The following TBL1Y variants were observed in gnomAD, a reference collection of about 807,000 sequenced individuals.
TBL1Y encodes transducin beta like 1 Y-linked.
A neutral mutation model predicts 12.0 loss-of-function variants in TBL1Y; 15 were observed. The ratio of observed to expected loss-of-function variants is 1.25; its 90% CI spans 0.83 to 1.92. The LOEUF is 1.92. Ranked by LOEUF, TBL1Y falls within the 40% of genes most tolerant of loss-of-function variation. TBL1Y has a pLI of 0.00. For missense variants in TBL1Y, 148 were observed against 116.7 expected (o/e 1.27, Z -1.24); for synonymous variants, 53 against 42.6 (o/e 1.24, Z -0.95).
intron 6 of TBL1Y, among the ~76,000 whole-genome samples, chrY:7,034,511 C>G (rs375401004): frequency 3.0e-5 from 1 of 33,526 alleles, no homozygotes; most frequent in South Asian, 6.7e-4. Flanking sequence ...AAAAAGAGCC[C>G]ATATAGCCAA....
At chrY:6,998,826 T>C in intron 4 of TBL1Y, among the ~76,000 whole-genome samples, 3 of 33,603 alleles carry the variant, frequency 8.9e-5, no homozygotes, top group Non-Finnish European at 2.2e-4. Context: ...GTAGGAAATG[T>C]TGGCATTTCC....
At chrY:7,048,041 G>GAGCC (rs2012771838) in intron 7 of TBL1Y, among the ~76,000 whole-genome samples, 1 of 32,620 alleles carries the variant, frequency 3.1e-5, no homozygotes, top group African/African-American at 1.2e-4. Context: ...TTACAGGTGT[G>GAGCC]AGCCACTGCC....
intron 16 of TBL1Y, 37 bp from the exon 17 acceptor site, chrY:7,087,230 C>G: frequency 3.2e-6 from 1 of 312,076 alleles, no homozygotes; most frequent in Non-Finnish European, 4.4e-6. Flanking sequence ...GTTGCCCAGC[C>G]TGGTCTTCAA....
In TBL1Y at chrY:7,085,789, T is replaced by G. The variant is rs1603051828; in HGVS notation, c.1078-109T>G. 1.3e-4 allele frequency: 29 copies of G among 221,513 alleles called. No individual in the cohort carries two copies. The East Asian group carries it at 2.9e-3, about 22-fold the overall frequency. 55.3% of individuals were successfully genotyped at this position (221,513 alleles called of 400,897 possible). ...TGCTCTTTGATGTCAGGCTGAGGCC[T>G]AAGACCTTCTGCAGCGACGGTGGCG... On this transcript the variant is annotated intron_variant, in intron 14 of 18. Coordinates refer to ENST00000383032, the MANE Select transcript of TBL1Y (RefSeq NM_033284.2).
intron 14 of TBL1Y, among the ~76,000 whole-genome samples, chrY:7,083,873 C>T: frequency 3.3e-5 from 1 of 29,872 alleles, no homozygotes; most frequent in Non-Finnish European, 8.1e-5. Context: ...CCTTTGCAGG[C>T]TGACACTCTG....
At chrY:6,989,127 G>A (rs2012344543) in intron 3 of TBL1Y, among the ~76,000 whole-genome samples, 1 of 32,633 alleles carries the variant, frequency 3.1e-5, no homozygotes. Context: ...GGCTGAGGTC[G>A]GAGAATGGCA....
At chrY:7,037,463 T>G (rs11799224) in intron 6 of TBL1Y, among the ~76,000 whole-genome samples, 270 of 34,072 alleles carry the variant, frequency 7.9e-3, no homozygotes, top group African/African-American at 0.028. Context: ...TATTGTATTG[T>G]TTCTCATTTT....
intron 7 of TBL1Y, among the ~76,000 whole-genome samples, chrY:7,062,911 C>G (rs759058986): frequency 5.9e-5 from 2 of 34,142 alleles, no homozygotes; most frequent in African/African-American, 2.3e-4. Flanking sequence ...GTCCCGACCA[C>G]CAAGGAAATA....
intron 7 of TBL1Y, among the ~76,000 whole-genome samples, chrY:7,063,402 A>C (rs2012906216): frequency 3.0e-5 from 1 of 33,071 alleles, no homozygotes; most frequent in African/African-American, 1.2e-4. Context: ...CTAGGGTTAG[A>C]CCACACAGGC....
At chrY:6,912,498 C>A in intron 2 of TBL1Y, among the ~76,000 whole-genome samples, 1 of 32,735 alleles carries the variant, frequency 3.1e-5, no homozygotes, top group African/African-American at 1.2e-4. Context: ...CATTTGGCCC[C>A]TTTACTGGGC....
intron 6 of TBL1Y, among the ~76,000 whole-genome samples, chrY:7,033,958 A>G: frequency 3.0e-5 from 1 of 33,404 alleles, no homozygotes; most frequent in African/African-American, 1.2e-4. Context: ...CCTTTTCAAC[A>G]TAGTATTGGA....
chrY:6,922,065 C>A (rs754717944), intron 2 of TBL1Y, among the ~76,000 whole-genome samples: 6 of 33,773 alleles, frequency 1.8e-4, no homozygotes, highest in Admixed American at 5.4e-4. Flanking sequence ...GTCTCGCTGA[C>A]TTCAGGAGTG....
intron 7 of TBL1Y, among the ~76,000 whole-genome samples, chrY:7,044,808 G>A (rs2012749489): frequency 1.5e-4 from 5 of 32,473 alleles, no homozygotes; most frequent in Non-Finnish European, 3.7e-4. Flanking sequence ...AGCACACCCA[G>A]CTAATTTTTG....
chrY:6,923,009 G>A (rs776002498), intron 2 of TBL1Y, among the ~76,000 whole-genome samples: 1 of 34,411 alleles, frequency 2.9e-5, no homozygotes, highest in East Asian at 7.8e-4. Context: ...GTTCCAGAGA[G>A]GGGCCCCCAC....
chrY:7,088,555 C>T, intron 17 of TBL1Y, among the ~76,000 whole-genome samples: 1 of 32,214 alleles, frequency 3.1e-5, no homozygotes, highest in Admixed American at 2.8e-4. Flanking sequence ...GGTAGCCCTC[C>T]GGGAAGCATG....
chrY:7,020,346 C>T (rs374016144), intron 4 of TBL1Y, among the ~76,000 whole-genome samples: 276 of 33,216 alleles, frequency 8.3e-3, no homozygotes, highest in South Asian at 0.033. Context: ...CACTTTGGGA[C>T]GCTGAGGTGG....
chrY:6,924,880 C>G, intron 2 of TBL1Y, among the ~76,000 whole-genome samples: 1 of 34,146 alleles, frequency 2.9e-5, no homozygotes. Flanking sequence ...GTAATGCCAG[C>G]TCCATGTAGA....
intron 2 of TBL1Y, among the ~76,000 whole-genome samples, chrY:6,953,512 A>G (rs2012045848): frequency 5.9e-5 from 2 of 33,724 alleles, no homozygotes; most frequent in Admixed American, 2.7e-4. Context: ...TTCTCTTGCC[A>G]TGGTTTTCAG....
At chrY:7,086,481 C>T in intron 16 of TBL1Y, 64 bp downstream of exon 16, 1 of 336,781 alleles carries the variant, frequency 3.0e-6, no homozygotes, top group Non-Finnish European at 4.1e-6. Context: ...AAATTTTGCT[C>T]AAGTGTGTCT....
Sources: gnomAD v4.1 joint callset for allele counts (sites outside exome capture counted in the v4.1 genomes callset) on GRCh38, gnomAD v4.1.1 for gene constraint, MANE v1.5 for transcripts, NCBI Gene and HGNC (gene_info 2026-07-23, HGNC 2026-07-21) for gene names.